The following JHY variants were observed in gnomAD, a reference collection of about 807,000 sequenced individuals.
The protein encoded by JHY is jhy protein homolog.
Under a neutral mutation model 78.0 loss-of-function variants are expected in JHY, and 69 were observed. The observed-to-expected ratio is 0.88, with a 90% confidence interval of 0.73 to 1.08. JHY has a LOEUF of 1.08. Among genes scored for constraint, JHY ranks in the 50% least tolerant of loss-of-function variants. The pLI is 0.00. For synonymous variants in JHY, 368 were observed against 342.6 expected, an observed-to-expected ratio of 1.07 and a Z score of -0.82; for missense variants, 944 against 927.8, an observed-to-expected ratio of 1.02 and a Z score of -0.23.
intron 3 of JHY, among the ~76,000 whole-genome samples, chr11:122,912,276 G>A: frequency 6.9e-6 from 1 of 143,916 alleles, no homozygotes; most frequent in African/African-American, 2.6e-5. Context: ...GACAGAGTGA[G>A]ACTCCATCTC....
At chr11:122,949,557 C>T (rs1372429545) in intron 6 of JHY, among the ~76,000 whole-genome samples, 1 of 152,108 alleles carries the variant, frequency 6.6e-6, no homozygotes, top group Non-Finnish European at 1.5e-5. Flanking sequence ...TGAGATATGA[C>T]CCCACCCCAA....
At position 122,917,779 on chromosome 11, in the gene JHY, G is replaced by A. The variant is rs2135329657; in HGVS notation, c.865-7118G>A. ...ACTTACATATTCTTAGTTAGTTATGGAGAGTTCAGATTGCTGGATAATCAG... is the reference window on the plus strand; with the variant it reads ...ACTTACATATTCTTAGTTAGTTATGAAGAGTTCAGATTGCTGGATAATCAG... On this transcript the variant is annotated intron_variant, in intron 3 of 8. Coordinates refer to ENST00000227349, the MANE Select transcript of JHY (RefSeq NM_024806.4). The surrounding 1 kb of genome is among the most constrained non-coding windows in gnomAD (Gnocchi z 4.1). 6.6e-6 allele frequency among the ~76,000 whole-genome samples: 1 copy of A among 152,254 alleles called. No homozygotes were observed. Among genetic ancestry groups the A allele is most frequent in the Middle Eastern group, 3.4e-3 (1 of 290 alleles).
rs1408810583 is a variant in JHY, at chr11:122,963,844, A to G, written c.*4399A>G. On this transcript the variant is annotated 3_prime_UTR_variant, in exon 9 of 9. Transcript: ENST00000227349. ...GCCTAATGTCTATAAACTGGTGCAA[A>G]TAAAAGACATTTAAACCATGTATTC... 2.0e-5 allele frequency among the ~76,000 whole-genome samples: 3 copies of G among 152,192 alleles called. No homozygotes were observed. The highest frequency in any genetic ancestry group is 4.4e-5 in the Non-Finnish European group (3 of 68,016).
intron 3 of JHY, among the ~76,000 whole-genome samples, chr11:122,911,861 C>T (rs999449075): frequency 2.6e-5 from 3 of 116,610 alleles, no homozygotes; most frequent in Non-Finnish European, 4.9e-5. Flanking sequence ...ACTGAGATTG[C>T]GCCATTACAC....
chr11:122,939,208 G>A (rs1863820751), intron 5 of JHY, among the ~76,000 whole-genome samples: 1 of 152,006 alleles, frequency 6.6e-6, no homozygotes, highest in East Asian at 1.9e-4. Context: ...GGATGGTCTC[G>A]ATCTCCTGAC....
At chr11:122,938,927 G>A (rs895505903) in intron 5 of JHY, among the ~76,000 whole-genome samples, 7 of 151,908 alleles carry the variant, frequency 4.6e-5, no homozygotes, top group Non-Finnish European at 1.0e-4. Flanking sequence ...AGAGAGGGAA[G>A]GGACAGTTGC....
At chr11:122,913,670 G>GTC (rs1301081608) in intron 3 of JHY, among the ~76,000 whole-genome samples, 1 of 152,106 alleles carries the variant, frequency 6.6e-6, no homozygotes, top group Non-Finnish European at 1.5e-5. Flanking sequence ...CAGCTCATAT[G>GTC]TCTCTGCCTT....
intron 6 of JHY, among the ~76,000 whole-genome samples, chr11:122,949,829 T>C (rs997515735): frequency 1.9e-4 from 27 of 143,080 alleles, no homozygotes; most frequent in African/African-American, 7.1e-4. Flanking sequence ...CTTTTTTCTT[T>C]TCTTTCTTTT....
In JHY at chr11:122,951,331, A is replaced by G. The variant is rs1220855346; in HGVS notation, c.1929+4539A>G. On this transcript the variant is annotated intron_variant, in intron 6 of 8. Transcript: ENST00000227349. ...AAAATATCTGTTGCAACCCACCACA[A>G]AATGACTGCTTCAGGAGTTTGCTGA... Among the ~76,000 whole-genome samples the G allele has an allele frequency of 3.3e-5, 5 of 152,202 alleles. No individual in the cohort carries two copies. In the South Asian group the frequency reaches 6.2e-4, roughly 19 times the overall value.
At position 122,917,746 on chromosome 11, in the gene JHY, G is replaced by C. The variant is rs781604302; in HGVS notation, c.865-7151G>C. On this transcript the variant is annotated intron_variant, in intron 3 of 8. Transcript: ENST00000227349. This position sits in a 1 kb window ranked among gnomAD's most constrained non-coding sequence, Gnocchi z 4.1. ...TTTTTATCTCTAATGTGTCCATTCA[G>C]AGGTCACACTTACATATTCTTAGTT... Among the ~76,000 whole-genome samples the C allele has an allele frequency of 2.0e-5, 3 of 152,160 alleles. No homozygotes were observed. Among genetic ancestry groups the C allele is most frequent in the Non-Finnish European group, 4.4e-5 (3 of 68,024 alleles).
Position 122,885,936 on chromosome 11 carries a change from T to G in JHY, c.87T>G (p.Pro29=), listed in dbSNP as rs1430276223. ...TNLNVQSTHP[P]LKKEDLHRIS... Reference sequence around the variant, plus strand: ...TAAATGTCCAGTCCACACACCCACCTTTGAAGAAAGAAGACTTACATCGGA... The same window carrying G: ...TAAATGTCCAGTCCACACACCCACCGTTGAAGAAAGAAGACTTACATCGGA... The change falls in exon 2 of 9, where the codon CCT becomes CCG. Residue 29 remains proline (P), a synonymous_variant. Transcript: ENST00000227349. The G allele has an allele frequency of 6.2e-7, 1 of 1,614,166 alleles. No homozygotes were observed. Among genetic ancestry groups the G allele is most frequent in the Non-Finnish European group, 8.5e-7 (1 of 1,180,012 alleles).
At chr11:122,953,390 G>A (rs189890194) in intron 6 of JHY, among the ~76,000 whole-genome samples, 1 of 152,136 alleles carries the variant, frequency 6.6e-6, no homozygotes, top group Non-Finnish European at 1.5e-5. Context: ...ATCACCTGAG[G>A]TCAGGAGTTC....
chr11:122,946,544 G>T lies in JHY; in HGVS notation c.1681G>T (p.Asp561Tyr). 1.2e-6 allele frequency: 2 copies of T among 1,612,482 alleles called. No homozygotes were observed. Among genetic ancestry groups the T allele is most frequent in the Non-Finnish European group, 8.5e-7 (1 of 1,179,524 alleles). Reference protein sequence around the residue: ...SDSQTVRASPDSWLTQIMEQH... With the variant: ...SDSQTVRASPYSWLTQIMEQH... ...CAGCCAGACGGTTAGAGCTTCTCCA[G>T]ATTCATGGCTCACCCAGATAATGGA... is the stretch of plus-strand genomic sequence containing the variant. Residue 561 changes from aspartate to tyrosine, a missense_variant, in exon 6 of 9, where the codon GAT becomes TAT. Asp to Tyr is a radical substitution (Grantham distance 160). Transcript: ENST00000227349.
chr11:122,894,175 G>T (rs1386979728), intron 2 of JHY, among the ~76,000 whole-genome samples: 2 of 151,808 alleles, frequency 1.3e-5, no homozygotes, highest in African/African-American at 2.4e-5. Context: ...ACAAAAATTA[G>T]CCGGGCCCAT....
rs200668253 is a variant in JHY, at chr11:122,934,583, C to G, written c.1142C>G (p.Thr381Arg). Residue 381 changes from threonine to arginine, a missense_variant, in exon 5 of 9, where the codon ACG becomes AGG. Thr to Arg is a moderately conservative substitution (Grantham distance 71). Coordinates refer to ENST00000227349, the MANE Select transcript of JHY (RefSeq NM_024806.4). ...KHQNGLKSST[T>R]EEVTASQGNQ... ...CAGAATGGCCTGAAGTCTTCCACAA[C>G]GGAAGAGGTGACTGCCAGTCAGGGG... 9.9e-6 allele frequency: 16 copies of G among 1,613,952 alleles called. No homozygotes were observed. In the African/African-American group the frequency reaches 1.3e-4, roughly 13 times the overall value.
chr11:122,946,348 T>C, intron 5 of JHY, 150 bp from the exon 6 acceptor site: 1 of 751,788 alleles, frequency 1.3e-6, no homozygotes, highest in Non-Finnish European at 2.0e-6. Context: ...AAGAAATTAA[T>C]GTATTCATGA....
At chr11:122,942,102 C>T (rs1790829639) in intron 5 of JHY, among the ~76,000 whole-genome samples, 1 of 152,062 alleles carries the variant, frequency 6.6e-6, no homozygotes, top group Non-Finnish European at 1.5e-5. Context: ...GAACTCCTGA[C>T]CTCTGGTGAT....
At chr11:122,884,682 A>G (rs1862456711) in intron 1 of JHY, among the ~76,000 whole-genome samples, 1 of 152,180 alleles carries the variant, frequency 6.6e-6, no homozygotes, top group South Asian at 2.1e-4. Context: ...ATTCAGGCCA[A>G]TCTCCCACCC....
intron 3 of JHY, among the ~76,000 whole-genome samples, chr11:122,908,001 G>T (rs1863031930): frequency 6.6e-6 from 1 of 151,992 alleles, no homozygotes; most frequent in Non-Finnish European, 1.5e-5. Context: ...TAGAGCAGTG[G>T]TTCTCAGCCT....
Sources: gnomAD v4.1 joint callset for allele counts (sites outside exome capture counted in the v4.1 genomes callset) on GRCh38, gnomAD v4.1.1 for gene constraint, Gnocchi (gnomAD v3.1) non-coding constraint, MANE v1.5 for transcripts, NCBI Gene and HGNC (gene_info 2026-07-23, HGNC 2026-07-21) for gene names.